The following TAFA1 variants were observed in gnomAD, a reference collection of about 807,000 sequenced individuals.
TAFA1 encodes the protein chemokine-like protein TAFA-1.
Under a neutral mutation model 18.5 loss-of-function variants are expected in TAFA1, and 4 were observed. That is an observed-to-expected ratio of 0.22 (90% confidence interval 0.11 to 0.49). The LOEUF is 0.49. TAFA1 is among the 20% of genes least tolerant of loss of function. The probability of loss-of-function intolerance (pLI) is 0.98; values close to 1 mark genes in which losing one functional copy is unlikely to be tolerated. For missense variants in TAFA1, 147 were observed against 169.0 expected (o/e 0.87, Z 0.72); for synonymous variants, 56 against 55.2 (o/e 1.01, Z -0.06).
chr3:68,153,816 A>G (rs72922464), intron 2 of TAFA1, among the ~76,000 whole-genome samples: 2 of 152,166 alleles, frequency 1.3e-5, no homozygotes, highest in African/African-American at 4.8e-5. Context: ...GCCTTTTTTC[A>G]TTGCTATTGC....
At chr3:68,500,230 A>T (rs2665535) in intron 3 of TAFA1, among the ~76,000 whole-genome samples, 30,449 of 151,976 alleles carry the variant, frequency 0.2, 3,135 homozygotes, top group Middle Eastern at 0.24. Context: ...TGTGTTCTAA[A>T]CCAGTGCTTT....
chr3:68,270,579 A>T (rs1388488), intron 2 of TAFA1, among the ~76,000 whole-genome samples: 12,536 of 152,246 alleles, frequency 0.082, 662 homozygotes, highest in Middle Eastern at 0.12. Context: ...TATGAAAAGG[A>T]CCAGGTTATC....
chr3:68,212,410 T>A (rs145888667), intron 2 of TAFA1, among the ~76,000 whole-genome samples: 1 of 152,140 alleles, frequency 6.6e-6, no homozygotes, highest in African/African-American at 2.4e-5. Context: ...TGTTTTGGGA[T>A]GCTCAGTCTT....
chr3:68,046,968 T>C (rs1024999019), intron 2 of TAFA1, among the ~76,000 whole-genome samples: 1 of 152,184 alleles, frequency 6.6e-6, no homozygotes, highest in African/African-American at 2.4e-5. Flanking sequence ...GCATCAGAAG[T>C]TGTTAGAAAT....
chr3:68,251,517 C>T (rs9815157), intron 2 of TAFA1, among the ~76,000 whole-genome samples: 1,909 of 152,204 alleles, frequency 0.013, 44 homozygotes, highest in African/African-American at 0.044. Context: ...CAAAGATTTG[C>T]ATTTCAGTGG....
intron 2 of TAFA1, among the ~76,000 whole-genome samples, chr3:68,391,119 G>C (rs896330467): frequency 6.6e-6 from 1 of 152,060 alleles, no homozygotes; most frequent in African/African-American, 2.4e-5. Context: ...CTTGATAAAA[G>C]GTTACAGGAA....
At chr3:68,312,018 G>A (rs1196251658) in intron 2 of TAFA1, among the ~76,000 whole-genome samples, 1 of 152,226 alleles carries the variant, frequency 6.6e-6, no homozygotes, top group Non-Finnish European at 1.5e-5. Context: ...TGCCCTGACA[G>A]GCTCAACACC....
At chr3:68,161,604 CT>C in intron 2 of TAFA1, among the ~76,000 whole-genome samples, 1 of 152,156 alleles carries the variant, frequency 6.6e-6, no homozygotes. Flanking sequence ...TCAAAATAAT[CT>C]TTAAGGTAGG....
At chr3:67,996,660 G>A in the TAFA1 span, among the ~76,000 whole-genome samples, 4 of 152,050 alleles carry the variant, frequency 2.6e-5, no homozygotes, top group Non-Finnish European at 5.9e-5. Flanking sequence ...TTAGCCAGGT[G>A]TGGTGGTCTG....
intron 2 of TAFA1, among the ~76,000 whole-genome samples, chr3:68,193,954 C>G (rs1011990700): frequency 1.3e-5 from 2 of 151,712 alleles, no homozygotes; most frequent in African/African-American, 4.8e-5. Context: ...TATTTTTAAG[C>G]TTTAGGCCTA....
chr3:68,446,991 C>T (rs750026796), intron 3 of TAFA1, among the ~76,000 whole-genome samples: 9 of 152,212 alleles, frequency 5.9e-5, no homozygotes, highest in Middle Eastern at 3.4e-3. Context: ...CTGAGTTTTC[C>T]AACAGTGAAA....
At chr3:68,528,828 C>A (rs6766759) in intron 3 of TAFA1, among the ~76,000 whole-genome samples, 76,286 of 151,934 alleles carry the variant, frequency 0.5, 19,392 homozygotes, top group Admixed American at 0.56. Context: ...GTTTTACTCT[C>A]ACTTAGTGAA....
intron 2 of TAFA1, among the ~76,000 whole-genome samples, chr3:68,306,543 A>G (rs2068426205): frequency 6.6e-6 from 1 of 152,182 alleles, no homozygotes; most frequent in Admixed American, 6.5e-5. Context: ...CATGCTGTCA[A>G]AAATAGATTT....
chr3:68,252,302 A>G (rs1165825271), intron 2 of TAFA1, among the ~76,000 whole-genome samples: 1 of 152,148 alleles, frequency 6.6e-6, no homozygotes, highest in African/African-American at 2.4e-5. Flanking sequence ...TGAACCCTCA[A>G]TGATCCAATA....
intron 3 of TAFA1, among the ~76,000 whole-genome samples, chr3:68,493,143 C>T (rs964431042): frequency 1.3e-5 from 2 of 152,000 alleles, no homozygotes; most frequent in African/African-American, 4.8e-5. Flanking sequence ...ACAACAACTC[C>T]CCTTTTCTCC....
intron 2 of TAFA1, among the ~76,000 whole-genome samples, chr3:68,378,711 C>G (rs574017139): frequency 6.6e-6 from 1 of 152,234 alleles, no homozygotes; most frequent in South Asian, 2.1e-4. Context: ...GTAATTCCCA[C>G]GTGTTGAGGG....
intron 2 of TAFA1, among the ~76,000 whole-genome samples, chr3:68,079,049 T>G (rs1046016758): frequency 6.6e-6 from 1 of 152,248 alleles, no homozygotes; most frequent in Admixed American, 6.5e-5. Flanking sequence ...GTAGAGGGTA[T>G]GTGTCCAGGA....
intron 2 of TAFA1, among the ~76,000 whole-genome samples, chr3:68,175,568 A>G (rs2066113284): frequency 6.6e-6 from 1 of 152,160 alleles, no homozygotes; most frequent in African/African-American, 2.4e-5. Flanking sequence ...TGGGGCCTGT[A>G]GCCTCTTTGT....
At chr3:68,123,813 C>A (rs1048941902) in intron 2 of TAFA1, among the ~76,000 whole-genome samples, 2 of 135,772 alleles carry the variant, frequency 1.5e-5, no homozygotes, top group Admixed American at 8.2e-5. Context: ...CTTTCTGTAA[C>A]CAGATGCTCT....
Sources: allele counts gnomAD v4.1 joint callset (sites outside exome capture counted in the v4.1 genomes callset), GRCh38; gene constraint gnomAD v4.1.1; transcripts MANE v1.5; gene names NCBI Gene and HGNC (gene_info 2026-07-23, HGNC 2026-07-21).